Variants in PI4KA observed in about 807,000 individuals in gnomAD.
The protein encoded by PI4KA is PI4-kinase alpha.
PI4KA carries 122 observed loss-of-function variants against 271.4 expected under a neutral mutation model. That is an observed-to-expected ratio of 0.45 (90% CI 0.39 to 0.52). The LOEUF is 0.52. Ranked by LOEUF, PI4KA falls within the 20% of genes least tolerant of loss-of-function variation. The pLI, the probability that PI4KA is intolerant of heterozygous loss-of-function variation, is 0.00. For synonymous variants in PI4KA, 1,041 were observed against 1,078.8 expected (o/e 0.96, Z 0.69); for missense variants, 1,969 against 2,769.1 (o/e 0.71, Z 6.48).
At chr22:20,830,472 C>T (rs1229067691) in intron 3 of PI4KA, among the ~76,000 whole-genome samples, 1 of 152,134 alleles carries the variant, frequency 6.6e-6, no homozygotes, top group East Asian at 1.9e-4. Context: ...AATCCCTGCT[C>T]TTTTTTCCAT....
At position 20,819,832 on chromosome 22, in the gene PI4KA, T is replaced by G; in HGVS notation, c.598A>C (p.Met200Leu). 6.2e-7 allele frequency: 1 copy of G among 1,613,990 alleles called. No homozygotes were observed. The highest frequency in any genetic ancestry group is 8.5e-7 in the Non-Finnish European group (1 of 1,179,854). ...AGCTTTGAGAGGAGAGACTCTTCCA[T>G]GTTGCTGTAACGCCCAAATGCTCGC... The part of the protein sequence containing the change: ...ISRAFGRYSN[M>L]EESLLSKLFP... Residue 200 changes from methionine to leucine, a missense_variant, in exon 6 of 55, where the codon ATG becomes CTG. This residue lies in a region of PI4KA where 540 missense variants were observed against 555.5 expected (regional missense o/e 0.97). Coordinates refer to ENST00000255882, the MANE Select transcript of PI4KA (RefSeq NM_058004.4).
chr22:20,856,759 CA>C (rs1927649684), intron 1 of PI4KA, among the ~76,000 whole-genome samples: 1 of 152,196 alleles, frequency 6.6e-6, no homozygotes, highest in African/African-American at 2.4e-5. Context: ...ACAACTGAAG[CA>C]GTTATTACTA....
chr22:20,796,296 C>T lies in PI4KA; in HGVS notation c.2127G>A (p.Val709=), dbSNP rs1934981682. ...DHGYRHCSLA[V]INALANIAAN... ...CCGCGATGTTGGCCAGGGCATTAAT[C>T]ACTGCCAGGGAGCAATGCCTGAAGA... Residue 709 remains valine, a synonymous_variant, in exon 18 of 55, where the codon GTG becomes GTA. Coordinates refer to ENST00000255882, the MANE Select transcript of PI4KA (RefSeq NM_058004.4). The T allele has an allele frequency of 6.2e-7, 1 of 1,613,824 alleles. No homozygotes were observed. Among genetic ancestry groups the T allele is most frequent in the African/African-American group, 1.3e-5 (1 of 75,044 alleles).
At chr22:20,721,066 C>T (rs1381755361) in intron 43 of PI4KA, among the ~76,000 whole-genome samples, 1 of 152,192 alleles carries the variant, frequency 6.6e-6, no homozygotes, top group Non-Finnish European at 1.5e-5. Context: ...GGGTCTCACT[C>T]GCACTTGGGA....
Position 20,804,305 on chromosome 22 carries a change from G to C in PI4KA, c.1456C>G (p.Leu486Val). The stretch of plus-strand genomic sequence containing the variant: ...CTGGGTTCAGGGAGACTGACCTGCA[G>C]ACAGCAGATCAGCAGGGGCAAGTGA... ...IAHLPLLICC[L>V]QGLGRLCERF... The change falls in exon 12 of 55, where the codon CTG becomes GTG. Residue 486 changes from leucine to valine, a missense_variant. Transcript: ENST00000255882. The C allele has an allele frequency of 1.2e-6, 2 of 1,610,406 alleles. No individual in the cohort carries two copies. The highest frequency in any genetic ancestry group is 1.7e-6 in the Non-Finnish European group (2 of 1,176,542).
In PI4KA at chr22:20,812,012, C is replaced by CA. The variant is rs361795; in HGVS notation, c.1006-981dup. Among the ~76,000 whole-genome samples the CA allele has an allele frequency of 6.9e-3, 531 of 77,214 alleles. 4 individuals are homozygous for CA. The highest frequency in any genetic ancestry group is 0.016 in the South Asian group (34 of 2,140). The allele number at this position is 77,214 out of a possible 152,430, so 50.7% of individuals were successfully genotyped here. ...TGGGCGACAGGGCGAGACTCCATCT[C>CA]AAAAAAAAAAAAAAAAAAAAGAAAA... On this transcript the variant is annotated intron_variant, in intron 8 of 54. Coordinates refer to ENST00000255882, the MANE Select transcript of PI4KA (RefSeq NM_058004.4).
At chr22:20,858,460 G>T in intron 1 of PI4KA, 110 bp downstream of exon 1, 1 of 781,984 alleles carries the variant, frequency 1.3e-6, no homozygotes, top group Non-Finnish European at 1.8e-6. Flanking sequence ...CTCCCGCACA[G>T]GCTGCCGGCG....
intron 19 of PI4KA, among the ~76,000 whole-genome samples, chr22:20,790,368 T>C (rs537784341): frequency 3.3e-5 from 5 of 152,158 alleles, no homozygotes; most frequent in South Asian, 2.1e-4. Flanking sequence ...TTTTAAAAAA[T>C]AAAATAAGTA....
At chr22:20,710,566 A>G (rs1925120979) in intron 52 of PI4KA, 133 bp downstream of exon 52, 2 of 762,764 alleles carry the variant, frequency 2.6e-6, no homozygotes, top group South Asian at 3.6e-5. Context: ...TGACCAAAGG[A>G]CAGGTGTAGG....
rs896188472 is a variant in PI4KA at position 20,734,695 on chromosome 22, T to C, written c.3742-142A>G. 6.9e-6 allele frequency: 6 copies of C among 868,532 alleles called. No individual in the cohort carries two copies. In the African/African-American group the frequency reaches 1.0e-4, roughly 15 times the overall value. The allele number at this position is 868,532 out of a possible 1,614,324, so 53.8% of individuals were successfully genotyped here. ...AAAAGTATGAAGAAAAAAATGAAGA[T>C]CGCCTATAGTCCCACATCCCAGGGT... On this transcript the variant is annotated intron_variant, in intron 32 of 54. Coordinates refer to ENST00000255882, the MANE Select transcript of PI4KA (RefSeq NM_058004.4).
At position 20,751,339 on chromosome 22, in the gene PI4KA, T is replaced by C; in HGVS notation, c.3107A>G (p.Asp1036Gly). Reference sequence around the variant, plus strand: ...AGGAACCGTGATCCGGTAGGGGGCGTCGGGGATGTCATAGTAAGGCTGATC... The same window carrying C: ...AGGAACCGTGATCCGGTAGGGGGCGCCGGGGATGTCATAGTAAGGCTGATC... ...HKDQPYYDIP[D>G]APYRITVPDT... Residue 1036 changes from aspartate (D) to glycine (G), a missense_variant, in exon 27 of 55, where the codon GAC becomes GGC. Around this residue, in one of 13 missense-constraint regions of PI4KA, gnomAD observed 368 missense variants for 544.3 expected, o/e 0.68. Coordinates refer to ENST00000255882, the MANE Select transcript of PI4KA (RefSeq NM_058004.4). 1 of 1,613,852 alleles carries C rather than the reference T, an allele frequency of 6.2e-7. No individual in the cohort carries two copies. The highest frequency in any genetic ancestry group is 8.5e-7 in the Non-Finnish European group (1 of 1,179,946).
At chr22:20,811,111 T>C (rs1569060903) in intron 8 of PI4KA, 79 bp from the exon 9 acceptor site, 2 of 1,036,996 alleles carry the variant, frequency 1.9e-6, no homozygotes, top group South Asian at 1.3e-5. Context: ...CGAAAACCCA[T>C]GACAAACTCA....
At chr22:20,738,274 G>A (rs539975232) in intron 32 of PI4KA, among the ~76,000 whole-genome samples, 1 of 152,316 alleles carries the variant, frequency 6.6e-6, no homozygotes, top group East Asian at 1.9e-4. Context: ...CATCAGCCTA[G>A]ACCCCAAGGC....
intron 45 of PI4KA, 132 bp from the exon 46 acceptor site, chr22:20,714,832 T>C: frequency 1.9e-6 from 2 of 1,073,118 alleles, no homozygotes; most frequent in Non-Finnish European, 2.7e-6. Flanking sequence ...GGGCCTCTGG[T>C]CCTTGTCCAG....
intron 7 of PI4KA, among the ~76,000 whole-genome samples, chr22:20,814,294 CAT>C (rs1921450254): frequency 6.6e-6 from 1 of 152,048 alleles, no homozygotes; most frequent in South Asian, 2.1e-4. Context: ...TTAAATCATA[CAT>C]AGAGGTAGAA....
chr22:20,730,671 A>G (rs1361615456), intron 36 of PI4KA, among the ~76,000 whole-genome samples: 1 of 152,038 alleles, frequency 6.6e-6, no homozygotes, highest in East Asian at 1.9e-4. Context: ...CCCGGGTTTA[A>G]GCAATTCTCC....
At chr22:20,776,457 G>A (rs776683690) in intron 19 of PI4KA, among the ~76,000 whole-genome samples, 2 of 152,244 alleles carry the variant, frequency 1.3e-5, no homozygotes, top group South Asian at 4.1e-4. Context: ...CAGAAACAAT[G>A]TGACTTTCCT....
At chr22:20,836,917 G>A (rs1413445233) in intron 2 of PI4KA, among the ~76,000 whole-genome samples, 1 of 152,164 alleles carries the variant, frequency 6.6e-6, no homozygotes, top group African/African-American at 2.4e-5. Context: ...GGACTTACAG[G>A]TAAATCTATC....
intron 31 of PI4KA, 36 bp from the exon 32 acceptor site, chr22:20,742,391 C>G: frequency 1.9e-6 from 3 of 1,606,328 alleles, no homozygotes; most frequent in Non-Finnish European, 2.6e-6. Flanking sequence ...AGGCCTCCAA[C>G]AACAGCTGAA....
Sources: allele counts gnomAD v4.1 joint callset (sites outside exome capture counted in the v4.1 genomes callset), GRCh38; gene constraint gnomAD v4.1.1; regional missense constraint gnomAD v4.1.1; transcripts MANE v1.5; gene names NCBI Gene and HGNC (gene_info 2026-07-23, HGNC 2026-07-21).